The following SLC16A14 variants were observed in gnomAD, a reference collection of about 807,000 sequenced individuals.
SLC16A14 encodes the protein monocarboxylate transporter 14.
In SLC16A14, 14 loss-of-function variants were observed where a neutral mutation model predicts 35.8. The ratio of observed to expected loss-of-function variants is 0.39; its 90% CI spans 0.26 to 0.61. The LOEUF is 0.61. Ranked by LOEUF, SLC16A14 falls within the 20% of genes least tolerant of loss-of-function variation. The pLI, the probability that SLC16A14 is intolerant of heterozygous loss-of-function variation, is 0.51. For synonymous variants in SLC16A14, 248 were observed against 258.9 expected (o/e 0.96, Z 0.40); for missense variants, 533 against 655.0 (o/e 0.81, Z 2.03).
At position 230,059,152 on chromosome 2, in the gene SLC16A14, C is replaced by T; in HGVS notation, c.201G>A (p.Gln67=). 6.2e-7 allele frequency: 1 copy of T among 1,614,182 alleles called. No homozygotes were observed. Among genetic ancestry groups the T allele is most frequent in the Middle Eastern group, 1.6e-4 (1 of 6,062 alleles). Residue 67 remains glutamine, a synonymous_variant, in exon 2 of 5, where the codon CAG becomes CAA. Coordinates refer to ENST00000295190, the MANE Select transcript of SLC16A14 (RefSeq NM_152527.5). The stretch of plus-strand genomic sequence containing the variant: ...TGACCCAGGCGGTCAGGCCGCGGCT[C>T]TGGTGGAATTCTTCCAGCCATTCCA... ...LNVEWLEEFH[Q]SRGLTAWVSS...
intron 4 of SLC16A14, among the ~76,000 whole-genome samples, chr2:230,041,170 C>T (rs1319051059): frequency 6.6e-6 from 1 of 152,052 alleles, no homozygotes; most frequent in African/African-American, 2.4e-5. Context: ...TAAAGGCTCC[C>T]AGCTTTTGGT....
At chr2:230,040,202 T>C (rs1364880366) in intron 4 of SLC16A14, among the ~76,000 whole-genome samples, 1 of 147,848 alleles carries the variant, frequency 6.8e-6, no homozygotes, top group Non-Finnish European at 1.5e-5. Context: ...TGCTACAGTC[T>C]TAAATTGAAT....
At chr2:230,057,903 C>A (rs2077718718) in intron 2 of SLC16A14, among the ~76,000 whole-genome samples, 1 of 152,010 alleles carries the variant, frequency 6.6e-6, no homozygotes, top group Non-Finnish European at 1.5e-5. Flanking sequence ...GTAGTGGGTG[C>A]CTGTAGTCCC....
At chr2:230,053,117 AT>A (rs1295734208) in intron 2 of SLC16A14, among the ~76,000 whole-genome samples, 1 of 151,832 alleles carries the variant, frequency 6.6e-6, no homozygotes, top group African/African-American at 2.4e-5. Flanking sequence ...AATTTTTTGT[AT>A]TTTTAGTAGA....
intron 2 of SLC16A14, among the ~76,000 whole-genome samples, chr2:230,056,901 A>G (rs2077710256): frequency 1.4e-5 from 2 of 138,294 alleles, no homozygotes; most frequent in Admixed American, 1.4e-4. Flanking sequence ...AAAAAAAAAA[A>G]AGAGTTGAAT....
chr2:230,046,340 C>T lies in SLC16A14; in HGVS notation c.786G>A (p.Leu262=), dbSNP rs1261152145. The stretch of plus-strand genomic sequence containing the variant: ...CCTGATCGGGGCACTCCTGGGCTTG[C>T]AGGTCGCAGAGGGTCTCCTCGTTCC... ...GLGNEETLCD[L]QAQECPDQAG... Residue 262 remains leucine (L), a synonymous_variant, in exon 4 of 5, where the codon CTG becomes CTA. Coordinates refer to ENST00000295190, the MANE Select transcript of SLC16A14 (RefSeq NM_152527.5). The surrounding 1 kb of genome is among the most constrained non-coding windows in gnomAD (Gnocchi z 5.0). 4 of 1,614,108 alleles carry T rather than the reference C, an allele frequency of 2.5e-6. No homozygotes were observed. Among genetic ancestry groups the T allele is most frequent in the Non-Finnish European group, 3.4e-6 (4 of 1,180,010 alleles).
In SLC16A14 at chr2:230,045,897, A is replaced by T. The variant is rs2077601555; in HGVS notation, c.1229T>A (p.Val410Asp). ...PLMHTYAGLA[V>D]ICALIGFSSG... ...GGAAAACCCTATCAGCGCACAGATGACCGCCAGGCCAGCGTACGTGTGCAT... is the reference window on the plus strand; with the variant it reads ...GGAAAACCCTATCAGCGCACAGATGTCCGCCAGGCCAGCGTACGTGTGCAT... The change falls in exon 4 of 5, where the codon GTC becomes GAC. Residue 410 changes from valine (V) to aspartate (D), a missense_variant. Physicochemically the swap from Val to Asp is radical, Grantham distance 152. Coordinates refer to ENST00000295190, the MANE Select transcript of SLC16A14 (RefSeq NM_152527.5). 2 of 1,612,582 alleles carry T rather than the reference A, an allele frequency of 1.2e-6. No homozygotes were observed. The highest frequency in any genetic ancestry group is 2.7e-5 in the African/African-American group (2 of 75,024).
chr2:230,065,380 C>T (rs1228145941), intron 1 of SLC16A14, among the ~76,000 whole-genome samples: 2 of 152,168 alleles, frequency 1.3e-5, no homozygotes, highest in South Asian at 2.1e-4. Context: ...TCTCAGCCTC[C>T]TGAGTAGCTG....
intron 4 of SLC16A14, 126 bp from the exon 5 acceptor site, chr2:230,037,657 T>A: frequency 1.3e-6 from 1 of 754,530 alleles, no homozygotes; most frequent in Non-Finnish European, 2.0e-6. Flanking sequence ...TTCATACCAA[T>A]AAAATGTTTC....
At chr2:230,050,731 T>C (rs936261328) in intron 2 of SLC16A14, among the ~76,000 whole-genome samples, 2 of 152,244 alleles carry the variant, frequency 1.3e-5, no homozygotes, top group Non-Finnish European at 2.9e-5. Flanking sequence ...TATATAACCA[T>C]ATTTACCTGT....
chr2:230,042,887 G>T (rs1317793183), intron 4 of SLC16A14, among the ~76,000 whole-genome samples: 1 of 152,146 alleles, frequency 6.6e-6, no homozygotes, highest in East Asian at 1.9e-4. Flanking sequence ...TGATGTAGTG[G>T]CTGGAGATAC....
chr2:230,055,259 C>T (rs527407604), intron 2 of SLC16A14, among the ~76,000 whole-genome samples: 3 of 152,228 alleles, frequency 2.0e-5, no homozygotes, highest in Admixed American at 6.5e-5. Context: ...GCATGCAGTG[C>T]GTGCTAAATA....
intron 2 of SLC16A14, among the ~76,000 whole-genome samples, chr2:230,050,136 A>C (rs2077647180): frequency 6.6e-6 from 1 of 152,244 alleles, no homozygotes; most frequent in South Asian, 2.1e-4. Context: ...TGAAATAAAT[A>C]GACATTCATT....
intron 1 of SLC16A14, among the ~76,000 whole-genome samples, chr2:230,062,483 G>A (rs2077759294): frequency 6.6e-6 from 1 of 151,864 alleles, no homozygotes; most frequent in Non-Finnish European, 1.5e-5. Context: ...CAAGTAGCAG[G>A]TACTACAGGC....
In SLC16A14 at chr2:230,040,518, G is replaced by A. The variant is rs113409274; in HGVS notation, c.1382-2987C>T. On this transcript the variant is annotated intron_variant, in intron 4 of 4. Coordinates refer to ENST00000295190, the MANE Select transcript of SLC16A14 (RefSeq NM_152527.5). ...ATTACAGGCGTGAGCCACTGTTCCC[G>A]GCCAAATTCATTATTATTATTATTT... Among the ~76,000 whole-genome samples, 1,052 of 152,144 alleles carry A rather than the reference G, an allele frequency of 6.9e-3. 5 individuals carry two copies. Among genetic ancestry groups the A allele is most frequent in the Non-Finnish European group, 0.011 (776 of 68,020 alleles).
rs771951309 is a variant in SLC16A14 at position 230,045,775 on chromosome 2, T to C, written c.1351A>G (p.Ile451Val). 3 of 1,614,206 alleles carry C rather than the reference T, an allele frequency of 1.9e-6. No homozygotes were observed. The East Asian group carries it at 6.7e-5, about 36-fold the overall frequency. ...AAAGGTGGTCCCAGCAATGCAGAGA[T>C]GCCATTAGCACAGATGATGATGCCG... ...AYGIIICANG[I>V]SALLGPPFAG... Residue 451 changes from isoleucine (I) to valine (V), a missense_variant, in exon 4 of 5, where the codon ATC becomes GTC. Physicochemically the swap from Ile to Val is conservative, Grantham distance 29. Transcript: ENST00000295190.
chr2:230,047,493 C>T (rs752014247), intron 3 of SLC16A14, among the ~76,000 whole-genome samples: 3 of 151,892 alleles, frequency 2.0e-5, no homozygotes, highest in African/African-American at 7.3e-5. Flanking sequence ...TTTGTAGACA[C>T]GTGGTTTCAC....
intron 2 of SLC16A14, among the ~76,000 whole-genome samples, chr2:230,056,137 T>C (rs1401984741): frequency 6.6e-6 from 1 of 152,226 alleles, no homozygotes; most frequent in African/African-American, 2.4e-5. Flanking sequence ...ACTATCCGTA[T>C]TAATTCCCTT....
intron 1 of SLC16A14, among the ~76,000 whole-genome samples, chr2:230,067,569 T>A (rs5020550): frequency 0.57 from 69,155 of 120,946 alleles, 17,686 homozygotes; most frequent in Middle Eastern, 0.7. Context: ...TCTCTCTCTC[T>A]CTCACACACA....
Sources: allele counts gnomAD v4.1 joint callset (sites outside exome capture counted in the v4.1 genomes callset), GRCh38; gene constraint gnomAD v4.1.1; non-coding constraint Gnocchi (gnomAD v3.1); transcripts MANE v1.5; gene names NCBI Gene and HGNC (gene_info 2026-07-23, HGNC 2026-07-21).